ESYT2: variants seen among roughly 807,000 people sequenced by gnomAD.
ESYT2 encodes extended synaptotagmin 2.
A neutral mutation model predicts 107.2 loss-of-function variants in ESYT2; 54 were observed. The observed-to-expected ratio is 0.50, with a 90% CI of 0.40 to 0.63. The LOEUF (loss-of-function observed/expected upper bound fraction) is 0.63, where lower values mean the gene tolerates loss of function less well. Among genes scored for constraint, ESYT2 ranks in the 30% least tolerant of loss-of-function variants. The pLI is 0.00. For synonymous variants in ESYT2, 491 were observed against 434.1 expected (o/e 1.13, Z -1.63); for missense variants, 1,020 against 1,094.5 (o/e 0.93, Z 0.96).
intron 7 of ESYT2, among the ~76,000 whole-genome samples, chr7:158,769,566 C>T (rs1457958112): frequency 7.2e-5 from 11 of 152,356 alleles, no homozygotes; most frequent in South Asian, 2.1e-4. Flanking sequence ...GTGTGTCCTT[C>T]GGAACCACGA....
intron 6 of ESYT2, among the ~76,000 whole-genome samples, chr7:158,782,057 ACG>A (rs1197477419): frequency 6.7e-6 from 1 of 148,204 alleles, no homozygotes; most frequent in African/African-American, 2.5e-5. Context: ...GTGTGAGTGA[ACG>A]TGTGAAGTGT....
chr7:158,774,368 TATAAA>T lies in ESYT2; in HGVS notation c.748-977_748-973del, dbSNP rs1355870554. 5.3e-5 allele frequency among the ~76,000 whole-genome samples: 8 copies of T among 152,316 alleles called. No individual in the cohort carries two copies. The South Asian group carries it at 6.2e-4, about 12-fold the overall frequency. On this transcript the variant is annotated intron_variant, in intron 6 of 22. Coordinates refer to ENST00000275418, the MANE Select transcript of ESYT2 (RefSeq NM_001367773.1). Reference sequence around the variant, plus strand: ...CAATGTAACAGAAATGAGATATAAATATAAAATATTAGGAAGGAAAAAATAGGCAA... The same window carrying T: ...CAATGTAACAGAAATGAGATATAAATATATTAGGAAGGAAAAAATAGGCAA...
intron 1 of ESYT2, among the ~76,000 whole-genome samples, chr7:158,809,915 G>A (rs555618510): frequency 6.8e-4 from 104 of 152,344 alleles, no homozygotes; most frequent in African/African-American, 2.3e-3. Context: ...CTACATGGAT[G>A]CACTGGAGCT....
intron 1 of ESYT2, among the ~76,000 whole-genome samples, chr7:158,805,047 A>C (rs888819444): frequency 6.6e-6 from 1 of 152,180 alleles, no homozygotes; most frequent in African/African-American, 2.4e-5. Context: ...AATGTTTAGA[A>C]CTGTAAGGCA....
At chr7:158,781,687 A>T (rs1302146250) in intron 6 of ESYT2, among the ~76,000 whole-genome samples, 2 of 151,730 alleles carry the variant, frequency 1.3e-5, no homozygotes, top group Non-Finnish European at 2.9e-5. Context: ...ACGACTGAGA[A>T]CAAAGTGTCA....
intron 1 of ESYT2, among the ~76,000 whole-genome samples, chr7:158,823,168 G>A (rs1264314633): frequency 5.3e-5 from 8 of 150,494 alleles, no homozygotes; most frequent in African/African-American, 1.2e-4. Context: ...GGCGGTGTGC[G>A]CCTGTAGTCC....
At position 158,738,998 on chromosome 7, in the gene ESYT2, G is replaced by A. The variant is rs201561613; in HGVS notation, c.2267+25C>T. The A allele has an allele frequency of 4.8e-5, 77 of 1,605,210 alleles. No individual in the cohort carries two copies. The Middle Eastern group carries it at 5.0e-4, about 10-fold the overall frequency. ...CATCCACACTCAGCAGCACAGCAGC[G>A]GGCGCGTGGGACCCCAGCCCCCACC... On this transcript the variant is annotated intron_variant, in intron 19 of 22. Transcript: ENST00000275418.
At chr7:158,782,642 GAACA>G (rs995441023) in intron 6 of ESYT2, among the ~76,000 whole-genome samples, 15 of 49,864 alleles carry the variant, frequency 3.0e-4, no homozygotes, top group African/African-American at 7.2e-4. Context: ...GGGTATGTGA[GAACA>G]AAGAAGTATT....
At chr7:158,744,280 A>G (rs1216637128) in intron 16 of ESYT2, 1 of 152,276 alleles carries the variant, frequency 6.6e-6, no homozygotes, top group Non-Finnish European at 1.5e-5. Flanking sequence ...GAGCACAGAA[A>G]GAAATGATGT....
At position 158,757,649 on chromosome 7, in the gene ESYT2, C is replaced by T. The variant is rs925223603; in HGVS notation, c.1419+1837G>A. Reference sequence around the variant, plus strand: ...GCCCGCGGGACGCCCCTTAATCCCGCGCCAGGCACCCCGCGGCTCTGCAAA... The same window carrying T: ...GCCCGCGGGACGCCCCTTAATCCCGTGCCAGGCACCCCGCGGCTCTGCAAA... On this transcript the variant is annotated intron_variant, in intron 13 of 22. Transcript: ENST00000275418. Among the ~76,000 whole-genome samples the T allele has an allele frequency of 6.5e-5, 9 of 137,796 alleles. No individual in the cohort carries two copies. The South Asian group carries it at 2.0e-3, about 31-fold the overall frequency. The allele number at this position is 137,796 out of a possible 152,430, so 90.4% of individuals were successfully genotyped here.
rs142987928 is a variant in ESYT2 at position 158,758,534 on chromosome 7, G to A, written c.1419+952C>T. On this transcript the variant is annotated intron_variant, in intron 13 of 22. Transcript: ENST00000275418. ...AAAGGGAGAAAAGACACAGGAAGAC[G>A]ATTTATGTACAAATGCACTTGGGTG... 6.8e-4 allele frequency among the ~76,000 whole-genome samples: 104 copies of A among 152,254 alleles called. 1 individual carries two copies. The highest frequency in any genetic ancestry group is 2.5e-3 in the African/African-American group (102 of 41,556).
chr7:158,824,945 A>G (rs1840395727), intron 1 of ESYT2, among the ~76,000 whole-genome samples: 1 of 152,170 alleles, frequency 6.6e-6, no homozygotes. Context: ...TGAGCCCAAG[A>G]GTTGAGCCCA....
At chr7:158,777,812 G>A (rs1476517103) in intron 6 of ESYT2, among the ~76,000 whole-genome samples, 28 of 152,120 alleles carry the variant, frequency 1.8e-4, no homozygotes, top group Admixed American at 1.6e-3. Context: ...GATTACATTA[G>A]AAACAACAAA....
chr7:158,800,953 T>C (rs976508235), intron 1 of ESYT2, among the ~76,000 whole-genome samples: 2 of 152,160 alleles, frequency 1.3e-5, no homozygotes, highest in South Asian at 2.1e-4. Flanking sequence ...TGCCTCACTG[T>C]AGGCATGGGT....
intron 21 of ESYT2, 100 bp from the exon 22 acceptor site, chr7:158,734,571 T>G: frequency 1.9e-6 from 2 of 1,074,750 alleles, no homozygotes; most frequent in Non-Finnish European, 2.7e-6. Context: ...GGAGGATCTC[T>G]TAAGCCCAAG....
chr7:158,827,172 A>AAG (rs2129474490), intron 1 of ESYT2, among the ~76,000 whole-genome samples: 1 of 152,004 alleles, frequency 6.6e-6, no homozygotes, highest in South Asian at 2.1e-4. Context: ...CAAAAAAAAA[A>AAG]AAAAAAGAAA....
At chr7:158,766,994 G>A (rs890447039) in intron 8 of ESYT2, among the ~76,000 whole-genome samples, 2 of 152,216 alleles carry the variant, frequency 1.3e-5, no homozygotes, top group Admixed American at 6.5e-5. Flanking sequence ...CTCAAATGAA[G>A]GTGACATCAG....
chr7:158,788,144 CCGCTTAA>C, intron 5 of ESYT2, 51 bp from the exon 6 acceptor site: 1 of 1,474,214 alleles, frequency 6.8e-7, no homozygotes, highest in Non-Finnish European at 9.5e-7. Flanking sequence ...TTCTGCAGGG[CCGCTTAA>C]CGCAAGGAGT....
chr7:158,739,906 A>C (rs186403508), intron 18 of ESYT2, among the ~76,000 whole-genome samples: 194 of 146,530 alleles, frequency 1.3e-3, no homozygotes, highest in African/African-American at 4.6e-3. Context: ...GCTACAAAGA[A>C]GACCTGGGGC....
Sources: gnomAD v4.1 joint callset for allele counts (sites outside exome capture counted in the v4.1 genomes callset) on GRCh38, gnomAD v4.1.1 for gene constraint, MANE v1.5 for transcripts, NCBI Gene and HGNC (gene_info 2026-07-23, HGNC 2026-07-21) for gene names.